The following ZNF726 variants were observed in gnomAD, a reference collection of about 807,000 sequenced individuals.
ZNF726 encodes the protein zinc finger protein 726, also known as zinc finger protein 92 pseudogene 3.
A neutral mutation model predicts 11.6 loss-of-function variants in ZNF726; 15 were observed. The observed-to-expected ratio is 1.29, with a 90% CI of 0.86 to 1.99. The LOEUF is 1.99. Among genes scored for constraint, ZNF726 ranks in the 30% most tolerant of loss-of-function variants. ZNF726 has a pLI of 0.00. For missense variants in ZNF726, 890 were observed against 725.6 expected (o/e 1.23, Z -2.60); for synonymous variants, 295 against 243.6 (o/e 1.21, Z -1.96).
chr19:23,933,457 T>A lies in ZNF726; in HGVS notation c.1341T>A (p.His447Gln), dbSNP rs1410119282. ...ACCTTACTGAACATAAGAAAATTCATACTAGAGAGAAACCCTACAAATGTG... is the reference window on the plus strand; with the variant it reads ...ACCTTACTGAACATAAGAAAATTCAAACTAGAGAGAAACCCTACAAATGTG... ...SSNLTEHKKI[H>Q]TREKPYKCEE... Residue 447 changes from histidine to glutamine, a missense_variant, in exon 4 of 4, where the codon CAT (histidine) becomes CAA (glutamine). Transcript: ENST00000594466. 1.2e-6 allele frequency: 2 copies of A among 1,611,644 alleles called. No individual in the cohort carries two copies. Among genetic ancestry groups the A allele is most frequent in the Non-Finnish European group, 1.7e-6 (2 of 1,179,462 alleles).
At chr19:23,943,825 A>C in intron 4 of ZNF726, 1 of 337,846 alleles carries the variant, frequency 3.0e-6, no homozygotes, top group Non-Finnish European at 5.4e-6. Flanking sequence ...TGAGAACTAA[A>C]CTCCTCTTTA....
chr19:23,921,921 A>G (rs945052284), intron 3 of ZNF726, among the ~76,000 whole-genome samples: 1 of 152,226 alleles, frequency 6.6e-6, no homozygotes, highest in Non-Finnish European at 1.5e-5. Flanking sequence ...AGCATTGACA[A>G]TAAGAGACAA....
rs1342247432 is a variant in ZNF726, at chr19:23,933,209, G to A, written c.1093G>A (p.Gly365Arg). The A allele has an allele frequency of 3.1e-6, 5 of 1,612,734 alleles. No homozygotes were observed. Among genetic ancestry groups the A allele is most frequent in the Non-Finnish European group, 2.5e-6 (3 of 1,179,922 alleles). ...HLTTHRIIHT[G>R]EKPYKCEECG... ...TACTACACATAGGATAATTCATACT[G>A]GAGAGAAACCCTACAAATGTGAAGA... Residue 365 changes from glycine to arginine, a missense_variant, in exon 4 of 4, where the codon GGA becomes AGA. Physicochemically the swap from Gly to Arg is moderately radical, Grantham distance 125. Coordinates refer to ENST00000594466, the MANE Select transcript of ZNF726 (RefSeq NM_001244038.2).
At chr19:23,917,496 A>G (rs1005776411) in intron 1 of ZNF726, among the ~76,000 whole-genome samples, 17 of 100,574 alleles carry the variant, frequency 1.7e-4, no homozygotes, top group Non-Finnish European at 2.8e-4. Flanking sequence ...AAAAAAAGAA[A>G]AAAAAAAAAA....
intron 3 of ZNF726, 47 bp from the exon 4 acceptor site, chr19:23,932,290 CTATATT>C (rs1968122708): frequency 8.3e-7 from 1 of 1,207,244 alleles, no homozygotes; most frequent in Non-Finnish European, 1.1e-6. Context: ...GATTTTTAAA[CTATATT>C]TATGTCAGTA....
At chr19:23,936,096 T>A (rs1189721427), downstream of ZNF726, 3 of 152,216 alleles carry the variant, frequency 2.0e-5, no homozygotes, top group Non-Finnish European at 4.4e-5. Context: ...GTAATGAATT[T>A]GGAAAAACAT....
At chr19:23,931,187 T>C (rs1968096331) in intron 3 of ZNF726, among the ~76,000 whole-genome samples, 1 of 152,214 alleles carries the variant, frequency 6.6e-6, no homozygotes. Flanking sequence ...TTAGCCAGGA[T>C]GGTCTTGATC....
intron 4 of ZNF726, chr19:23,943,632 C>A: frequency 5.4e-6 from 3 of 553,284 alleles, no homozygotes; most frequent in South Asian, 2.4e-5. Flanking sequence ...ATGACAGGTT[C>A]AAAGGTCAAA....
intron 1 of ZNF726, among the ~76,000 whole-genome samples, chr19:23,918,806 A>G (rs1456140094): frequency 7.0e-6 from 1 of 142,296 alleles, no homozygotes; most frequent in Non-Finnish European, 1.6e-5. Flanking sequence ...GGCCAGAAAA[A>G]CTGAAAAAAA....
intron 1 of ZNF726, among the ~76,000 whole-genome samples, chr19:23,916,138 C>G (rs200432318): frequency 6.6e-6 from 1 of 152,038 alleles, no homozygotes; most frequent in African/African-American, 2.4e-5. Context: ...GAATTTTTCA[C>G]AAGTGTCCCA....
chr19:23,934,182 C>CT lies in ZNF726; in HGVS notation c.*217dup. ...GGAAAGCTTTTAATCATTCTCAAATCTTACTACACATAAGATAATTCATAC... is the reference window on the plus strand; with the variant it reads ...GGAAAGCTTTTAATCATTCTCAAATCTTTACTACACATAAGATAATTCATAC... On this transcript the variant is annotated 3_prime_UTR_variant, in exon 4 of 4. Transcript: ENST00000594466. 1.2e-6 allele frequency: 1 copy of CT among 815,366 alleles called. No individual in the cohort carries two copies. The highest frequency in any genetic ancestry group is 2.1e-6 in the Non-Finnish European group (1 of 470,938). 50.5% of individuals were successfully genotyped at this position (815,366 alleles called of 1,614,324 possible).
chr19:23,941,566 G>A (rs1371220114), intron 3 of ZNF726, among the ~76,000 whole-genome samples: 5 of 151,896 alleles, frequency 3.3e-5, no homozygotes, highest in African/African-American at 1.2e-4. Flanking sequence ...CCAATTCTTT[G>A]AATATCTGGT....
At chr19:23,936,854 C>T (rs1968241494), downstream of ZNF726, among the ~76,000 whole-genome samples, 1 of 152,022 alleles carries the variant, frequency 6.6e-6, no homozygotes, top group African/African-American at 2.4e-5. Flanking sequence ...CCCATGTCTA[C>T]CTCTTTCTAC....
At chr19:23,938,327 G>A (rs1968280380), downstream of ZNF726, among the ~76,000 whole-genome samples, 1 of 152,052 alleles carries the variant, frequency 6.6e-6, no homozygotes, top group African/African-American at 2.4e-5. Context: ...GTGTGTTTGT[G>A]TTAGTGTAAG....
chr19:23,919,186 C>T, intron 1 of ZNF726, 187 bp from the exon 2 acceptor site: 1 of 856,072 alleles, frequency 1.2e-6, no homozygotes, highest in Non-Finnish European at 1.7e-6. Flanking sequence ...TTATGCCAGT[C>T]TCTTTTCTCA....
chr19:23,931,695 C>T (rs568267038), intron 3 of ZNF726, among the ~76,000 whole-genome samples: 4 of 152,230 alleles, frequency 2.6e-5, no homozygotes, highest in African/African-American at 9.6e-5. Context: ...CAAACATATT[C>T]TTAGGACCTG....
At position 23,939,862 on chromosome 19, in the gene ZNF726, A is replaced by ATTTTTTTTTTTTTTTTT. The variant is rs374902806; in HGVS notation, c.227-3628_227-3612dup. 5.4e-4 allele frequency among the ~76,000 whole-genome samples: 47 copies of ATTTTTTTTTTTTTTTTT among 87,132 alleles called. 2 individuals carry two copies. The highest frequency in any genetic ancestry group is 1.3e-3 in the African/African-American group (29 of 21,788). 57.2% of individuals were successfully genotyped at this position (87,132 alleles called of 152,430 possible). On this transcript the variant is annotated intron_variant, in intron 3 of 4. Coordinates refer to the ZNF726 transcript ENST00000334589. ...TGTCTTTGGCCCACTTTTTGATGGGATTTTTTTTTTTTTTTTTTTTCTGAC... is the reference window on the plus strand; with the variant it reads ...TGTCTTTGGCCCACTTTTTGATGGGATTTTTTTTTTTTTTTTTTTTTTTTTTTTTTTTTTTTTCTGAC...
Position 23,932,435 on chromosome 19 carries a change from G to C in ZNF726, c.319G>C (p.Gly107Arg), listed in dbSNP as rs759845412. 11 of 1,570,228 alleles carry C rather than the reference G, an allele frequency of 7.0e-6. No individual in the cohort carries two copies. Among genetic ancestry groups the C allele is most frequent in the Middle Eastern group, 1.7e-4 (1 of 5,818 alleles). The change falls in exon 4 of 4, where the codon GGA (glycine) becomes CGA (arginine). Residue 107 changes from glycine to arginine, a missense_variant. Physicochemically the swap from Gly to Arg is moderately radical, Grantham distance 125 (BLOSUM62 -2). Coordinates refer to ENST00000594466, the MANE Select transcript of ZNF726 (RefSeq NM_001244038.2). ...AATACTAAGAAGATTTGAAAAATGT[G>C]GACATGAGAATTTACAGTTAAGAAA... ...KVILRRFEKC[G>R]HENLQLRKGC...
intron 3 of ZNF726, among the ~76,000 whole-genome samples, chr19:23,942,140 G>C (rs1968348365): frequency 1.3e-5 from 2 of 152,124 alleles, no homozygotes; most frequent in Non-Finnish European, 2.9e-5. Flanking sequence ...CTGTATCCAA[G>C]AGGTTTTGAT....
Sources: gnomAD v4.1 joint callset for allele counts (sites outside exome capture counted in the v4.1 genomes callset) on GRCh38, gnomAD v4.1.1 for gene constraint, MANE v1.5 for transcripts, NCBI Gene and HGNC (gene_info 2026-07-23, HGNC 2026-07-21) for gene names.